The following SMPD1 variants were observed in gnomAD, a reference collection of about 807,000 sequenced individuals.
SMPD1 encodes sphingomyelin phosphodiesterase 1.
Under a neutral mutation model 49.7 loss-of-function variants are expected in SMPD1, and 47 were observed. The ratio of observed to expected loss-of-function variants is 0.95; its 90% CI spans 0.75 to 1.21. SMPD1 has a LOEUF of 1.21. SMPD1 is among the 50% of genes most tolerant of loss of function. SMPD1 has a pLI of 0.00. For missense variants in SMPD1, 811 were observed against 822.2 expected (o/e 0.99, Z 0.17); for synonymous variants, 336 against 339.6 (o/e 0.99, Z 0.12).
intron 1 of SMPD1, 100 bp from the exon 2 acceptor site, chr11:6,391,284 C>T (rs933493164): frequency 1.9e-5 from 23 of 1,199,234 alleles, no homozygotes; most frequent in East Asian, 1.4e-4. Flanking sequence ...TCCTGCCCAG[C>T]CCCAGTTTGG....
rs894229508 is a variant in SMPD1 at position 6,393,080 on chromosome 11, T to C, written c.1092-136T>C. On this transcript the variant is annotated intron_variant, in intron 2 of 5. Transcript: ENST00000342245. ...ACACAGACCCAATAATTAGAACTGT[T>C]TGGTCTCTGGCTAGACTGTGAGCTC... The C allele has an allele frequency of 9.9e-6, 7 of 704,174 alleles. No homozygotes were observed. The African/African-American group carries it at 1.3e-4, about 13-fold the overall frequency. The allele number at this position is 704,174 out of a possible 1,614,324, so 43.6% of individuals were successfully genotyped here.
intron 3 of SMPD1, 52 bp downstream of exon 3, chr11:6,393,439 G>C: frequency 1.3e-6 from 2 of 1,581,044 alleles, no homozygotes; most frequent in Non-Finnish European, 1.7e-6. Context: ...GCAGGCTCCT[G>C]TTGAGCTGGA....
chr11:6,393,653 C>G lies in SMPD1; in HGVS notation c.1300C>G (p.Leu434Val). Residue 434 changes from leucine (L) to valine (V), a missense_variant, in exon 4 of 6, where the codon CTG becomes GTG. Physicochemically the swap from Leu to Val is conservative, Grantham distance 32. Coordinates refer to ENST00000342245, the MANE Select transcript of SMPD1 (RefSeq NM_000543.5). ...TGGCCACATTCCCCCAGGGCACTGT[C>G]TGAAGAGCTGGAGCTGGAATTATTA... ...IIGHIPPGHC[L>V]KSWSWNYYRI... 2 of 1,614,040 alleles carry G rather than the reference C, an allele frequency of 1.2e-6. No individual in the cohort carries two copies. Among genetic ancestry groups the G allele is most frequent in the Non-Finnish European group, 8.5e-7 (1 of 1,179,910 alleles).
rs768820000 is a variant in SMPD1 at position 6,391,486 on chromosome 11, G to A, written c.421G>A (p.Glu141Lys). 1.2e-6 allele frequency: 2 copies of A among 1,614,002 alleles called. No homozygotes were observed. Among genetic ancestry groups the A allele is most frequent in the Non-Finnish European group, 8.5e-7 (1 of 1,180,034 alleles). ...GTGCCAATCCATTGTCCACCTCTTT[G>A]AGGATGACATGGTGGAGGTGTGGAG... ...AVCQSIVHLF[E>K]DDMVEVWRRS... Residue 141 changes from glutamate to lysine, a missense_variant, in exon 2 of 6, where the codon GAG (glutamate) becomes AAG (lysine). Glu to Lys is a moderately conservative substitution (Grantham distance 56, BLOSUM62 1). Transcript: ENST00000342245.
rs149423664 is a variant in SMPD1 at position 6,394,232 on chromosome 11, C to T, written c.1521C>T (p.Ser507=). The T allele has an allele frequency of 7.4e-6, 12 of 1,614,026 alleles. No homozygotes were observed. The highest frequency in any genetic ancestry group is 5.3e-5 in the African/African-American group (4 of 74,886). ...YRVYQIDGNY[S]GSSHVVLDHE... Reference sequence around the variant, plus strand: ...TGTACCAAATAGATGGAAACTACTCCGGGAGCTCTCACGTGGTCCTGGACC... The same window carrying T: ...TGTACCAAATAGATGGAAACTACTCTGGGAGCTCTCACGTGGTCCTGGACC... The change falls in exon 6 of 6, where the codon TCC becomes TCT. Residue 507 remains serine (S), a synonymous_variant. Coordinates refer to ENST00000342245, the MANE Select transcript of SMPD1 (RefSeq NM_000543.5).
At chr11:6,392,329 C>CATTTTTT (rs1847963174) in intron 2 of SMPD1, 173 bp downstream of exon 2, 2 of 403,770 alleles carry the variant, frequency 5.0e-6, no homozygotes, top group Non-Finnish European at 8.4e-6. Flanking sequence ...CCGCACCAGG[C>CATTTTTT]TTTTTTTTTT....
rs1342372980 is a variant in SMPD1, at chr11:6,393,241, C to G, written c.1117C>G (p.Pro373Ala). 1.9e-6 allele frequency: 3 copies of G among 1,613,834 alleles called. No individual in the cohort carries two copies. The highest frequency in any genetic ancestry group is 2.5e-6 in the Non-Finnish European group (3 of 1,179,860). The change falls in exon 3 of 6, where the codon CCA becomes GCA. Residue 373 changes from proline (P) to alanine (A), a missense_variant. Transcript: ENST00000342245. ...AATTGGGGGGTTCTATGCTCTTTCC[C>G]CATACCCCGGTCTCCGCCTCATCTC... ...LRIGGFYALS[P>A]YPGLRLISLN...
Position 6,390,701 on chromosome 11 carries a change from C to T in SMPD1, c.103C>T (p.Leu35=), listed in dbSNP as rs201367689. Residue 35 remains leucine, a synonymous_variant, in exon 1 of 6, where the codon CTG becomes TTG. Coordinates refer to ENST00000342245, the MANE Select transcript of SMPD1 (RefSeq NM_000543.5). ...AGAPGLLWMG[L]VLALALALAL... ...AGCCCCCGGACTCCTTTGGATGGGC[C>T]TGGTGCTGGCGCTGGCGCTGGCGCT... is the stretch of plus-strand genomic sequence containing the variant. 1 of 1,254,568 alleles carries T rather than the reference C, an allele frequency of 8.0e-7. No individual in the cohort carries two copies. The highest frequency in any genetic ancestry group is 1.1e-6 in the Non-Finnish European group (1 of 925,824). The allele number at this position is 1,254,568 out of a possible 1,614,324, so 77.7% of individuals were successfully genotyped here. A position where few individuals can be genotyped will look rare whatever the true frequency, so the allele number is the denominator to read the frequency against.
intron 1 of SMPD1, 90 bp from the exon 2 acceptor site, chr11:6,391,294 G>A: frequency 7.4e-7 from 1 of 1,348,278 alleles, no homozygotes; most frequent in Non-Finnish European, 1.1e-6. Flanking sequence ...CCCCAGTTTG[G>A]AAATGGAGGC....
At position 6,391,811 on chromosome 11, in the gene SMPD1, A is replaced by T. The variant is rs1387209566; in HGVS notation, c.746A>T (p.Tyr249Phe). ...SRPGAGYWGE[Y>F]SKCDLPLRTL... is the part of the protein sequence containing the mutation. Reference sequence around the variant, plus strand: ...CCAGGTGCCGGATACTGGGGCGAATACAGCAAGTGTGACCTGCCCCTGAGG... The same window carrying T: ...CCAGGTGCCGGATACTGGGGCGAATTCAGCAAGTGTGACCTGCCCCTGAGG... The change falls in exon 2 of 6, where the codon TAC (tyrosine) becomes TTC (phenylalanine). Residue 249 changes from tyrosine (Y) to phenylalanine (F), a missense_variant. Tyr to Phe is a conservative substitution (Grantham distance 22, BLOSUM62 3). Transcript: ENST00000342245. 1 of 1,613,170 alleles carries T rather than the reference A, an allele frequency of 6.2e-7. No homozygotes were observed. Among genetic ancestry groups the T allele is most frequent in the South Asian group, 1.1e-5 (1 of 91,084 alleles).
chr11:6,390,574 C>G lies in SMPD1; in HGVS notation c.-25C>G. The G allele has an allele frequency of 6.2e-7, 1 of 1,607,212 alleles. No homozygotes were observed. Among genetic ancestry groups the G allele is most frequent in the Middle Eastern group, 1.7e-4 (1 of 5,918 alleles). ...GGCCGGGGGGGACGGGACAGACGAA[C>G]CAGCCCCGTGTAGGAAGCGCGACAA... On this transcript the variant is annotated 5_prime_UTR_variant, in exon 1 of 6. Coordinates refer to ENST00000342245, the MANE Select transcript of SMPD1 (RefSeq NM_000543.5).
At chr11:6,393,487 C>T in intron 3 of SMPD1, 100 bp downstream of exon 3, 1 of 1,437,908 alleles carries the variant, frequency 7.0e-7, no homozygotes, top group Non-Finnish European at 9.7e-7. Flanking sequence ...TCCTGGCATT[C>T]CCAACAAGTG....
In SMPD1 at chr11:6,393,887, T is replaced by C. The variant is rs528939343; in HGVS notation, c.1341-9T>C. The C allele has an allele frequency of 3.3e-5, 54 of 1,614,130 alleles. No individual in the cohort carries two copies. In the East Asian group the frequency reaches 6.2e-4, roughly 19 times the overall value. On this transcript the variant is annotated splice_polypyrimidine_tract_variant and intron_variant, in intron 4 of 5. Coordinates refer to ENST00000342245, the MANE Select transcript of SMPD1 (RefSeq NM_000543.5). Reference sequence around the variant, plus strand: ...CTAGAATCTTCTGAATGTAGTACCTTCTGGCCAGGTATGAGAACACCCTGG... The same window carrying C: ...CTAGAATCTTCTGAATGTAGTACCTCCTGGCCAGGTATGAGAACACCCTGG...
In SMPD1 at chr11:6,390,670, C is replaced by T. The variant is rs886043870; in HGVS notation, c.72C>T (p.Thr24=). The T allele has an allele frequency of 6.2e-7, 1 of 1,613,088 alleles. No homozygotes were observed. The highest frequency in any genetic ancestry group is 8.5e-7 in the Non-Finnish European group (1 of 1,179,720). Reference sequence around the variant, plus strand: ...GCCGGGAGCAGGGACAAGACGGGACCGCCGGAGCCCCCGGACTCCTTTGGA... The same window carrying T: ...GCCGGGAGCAGGGACAAGACGGGACTGCCGGAGCCCCCGGACTCCTTTGGA... The part of the protein sequence containing the change: ...RSGREQGQDG[T]AGAPGLLWMG... The change falls in exon 1 of 6, where the codon ACC becomes ACT. Residue 24 remains threonine, a synonymous_variant. Transcript: ENST00000342245.
intron 1 of SMPD1, 33 bp downstream of exon 1, chr11:6,390,949 C>T (rs754523872): frequency 3.1e-6 from 5 of 1,611,918 alleles, no homozygotes; most frequent in East Asian, 4.5e-5. Context: ...TGGAGGAGGC[C>T]GAAAGGAGTG....
chr11:6,390,562 G>C lies in SMPD1; in HGVS notation c.-37G>C, dbSNP rs1847851092. The C allele has an allele frequency of 6.2e-7, 1 of 1,600,038 alleles. No individual in the cohort carries two copies. Among genetic ancestry groups the C allele is most frequent in the Admixed American group, 1.7e-5 (1 of 57,846 alleles). On this transcript the variant is annotated 5_prime_UTR_variant, in exon 1 of 6. Coordinates refer to ENST00000342245, the MANE Select transcript of SMPD1 (RefSeq NM_000543.5). ...GGCTAGGGTCCAGGCCGGGGGGGAC[G>C]GGACAGACGAACCAGCCCCGTGTAG...
Position 6,391,640 on chromosome 11 carries a change from G to GACCC in SMPD1, c.575_576insACCC (p.Ser192ArgfsTer18). The GACCC allele has an allele frequency of 1.8e-6, 1 of 558,614 alleles. No homozygotes were observed. The allele number at this position is 558,614 out of a possible 1,614,324, so 34.6% of individuals were successfully genotyped here. A position where few individuals can be genotyped will look rare whatever the true frequency, so the allele number is the denominator to read the frequency against. On this transcript the variant is annotated frameshift_variant, in exon 2 of 6. Coordinates refer to ENST00000342245, the MANE Select transcript of SMPD1 (RefSeq NM_000543.5). LOFTEE classifies it high-confidence loss of function. ...CCGAAGCCGCCCCCCAAACCCCCTA[G>GACCC]CCCCCCAGCCCCAGGTGCCCCTGTC... is the stretch of plus-strand genomic sequence containing the variant.
At position 6,394,500 on chromosome 11, in the gene SMPD1, G is replaced by C; in HGVS notation, c.1789G>C (p.Ala597Pro). 6.2e-7 allele frequency: 1 copy of C among 1,613,258 alleles called. No individual in the cohort carries two copies. The highest frequency in any genetic ancestry group is 1.1e-5 in the South Asian group (1 of 91,084). ...GTPCRLATLC[A>P]QLSARADSPA... ...GCCCTGCCGTCTGGCTACTCTTTGTGCCCAGCTCTCTGCCCGTGCTGACAG... is the reference window on the plus strand; with the variant it reads ...GCCCTGCCGTCTGGCTACTCTTTGTCCCCAGCTCTCTGCCCGTGCTGACAG... Residue 597 changes from alanine to proline, a missense_variant, in exon 6 of 6, where the codon GCC becomes CCC. Transcript: ENST00000342245.
In SMPD1 at chr11:6,390,564, G is replaced by T. The variant is rs375247947; in HGVS notation, c.-35G>T. 160 of 1,601,842 alleles carry T rather than the reference G, an allele frequency of 1.0e-4. 1 individual carries two copies. In the African/African-American group the frequency reaches 1.9e-3, roughly 19 times the overall value. On this transcript the variant is annotated 5_prime_UTR_variant, in exon 1 of 6. Transcript: ENST00000342245. Reference sequence around the variant, plus strand: ...CTAGGGTCCAGGCCGGGGGGGACGGGACAGACGAACCAGCCCCGTGTAGGA... The same window carrying T: ...CTAGGGTCCAGGCCGGGGGGGACGGTACAGACGAACCAGCCCCGTGTAGGA...
Sources: gnomAD v4.1 joint callset for allele counts on GRCh38, gnomAD v4.1.1 for gene constraint, MANE v1.5 for transcripts, NCBI Gene and HGNC (gene_info 2026-07-23, HGNC 2026-07-21) for gene names.